Variants in SGMS2 observed in about 807,000 individuals in gnomAD.
SGMS2 encodes sphingomyelin synthase 2.
SGMS2 carries 21 observed loss-of-function variants against 43.8 expected under a neutral mutation model. The observed-to-expected ratio is 0.48, with a 90% CI of 0.34 to 0.69. SGMS2 has a LOEUF of 0.69. Among genes scored for constraint, SGMS2 ranks in the 30% least tolerant of loss-of-function variants. The probability of loss-of-function intolerance (pLI) is 0.01; values close to 1 mark genes in which losing one functional copy is unlikely to be tolerated. For missense variants in SGMS2, 384 were observed against 443.2 expected, an observed-to-expected ratio of 0.87 and a Z score of 1.20; for synonymous variants, 167 against 160.6, an observed-to-expected ratio of 1.04 and a Z score of -0.30.
In SGMS2 at chr4:107,853,665, A is replaced by G. The variant is rs994138044; in HGVS notation, c.-326-4807A>G. Among the ~76,000 whole-genome samples the G allele has an allele frequency of 2.0e-5, 3 of 152,236 alleles. No homozygotes were observed. In the East Asian group the frequency reaches 5.8e-4, roughly 29 times the overall value. On this transcript the variant is annotated intron_variant, in intron 1 of 6. Coordinates refer to ENST00000690982, the MANE Select transcript of SGMS2 (RefSeq NM_001375905.1). ...TTATCTTATAAAATGGGAGTTAGTCAGTGAACAAATATTTATAACCCTCAA... is the reference window on the plus strand; with the variant it reads ...TTATCTTATAAAATGGGAGTTAGTCGGTGAACAAATATTTATAACCCTCAA...
intron 1 of SGMS2, among the ~76,000 whole-genome samples, chr4:107,834,860 G>T (rs1726083489): frequency 6.6e-6 from 1 of 152,080 alleles, no homozygotes; most frequent in Non-Finnish European, 1.5e-5. Context: ...AACATAGCCA[G>T]GCCTCCATCC....
At position 107,895,615 on chromosome 4, in the gene SGMS2, C is replaced by T. The variant is rs17038204; in HGVS notation, c.62C>T (p.Thr21Met). The change falls in exon 3 of 7, where the codon ACG becomes ATG. Residue 21 changes from threonine (T) to methionine (M), a missense_variant. Physicochemically the swap from Thr to Met is moderately conservative, Grantham distance 81. Transcript: ENST00000690982. ...TTGGAAAATCAACCCAGTGATCCTA[C>T]GAACACTTATGCAAGACCCGCTGAA... The part of the protein sequence containing the change: ...EHLENQPSDP[T>M]NTYARPAEPV... 4.8e-4 allele frequency: 773 copies of T among 1,613,910 alleles called. 6 individuals carry two copies. In the African/African-American group the frequency reaches 8.4e-3, roughly 18 times the overall value.
rs1732218632 is a variant in SGMS2 at position 107,912,940 on chromosome 4, G to A, written c.*2387G>A. ...AAGGGTGGGGGAATCAAAATTTCAA[G>A]ATGGAAAAATAAAACAAATAGTAAA... On this transcript the variant is annotated 3_prime_UTR_variant, in exon 7 of 7. Coordinates refer to ENST00000690982, the MANE Select transcript of SGMS2 (RefSeq NM_001375905.1). 1 of 151,982 alleles carries A rather than the reference G, an allele frequency of 6.6e-6. No homozygotes were observed. Among genetic ancestry groups the A allele is most frequent in the African/African-American group, 2.4e-5 (1 of 41,392 alleles). 9.4% of individuals were successfully genotyped at this position (151,982 alleles called of 1,614,324 possible). A position where few individuals can be genotyped will look rare whatever the true frequency, so the allele number is the denominator to read the frequency against.
chr4:107,846,565 A>G (rs1314675379), intron 1 of SGMS2, among the ~76,000 whole-genome samples: 164 of 151,300 alleles, frequency 1.1e-3, no homozygotes, highest in Non-Finnish European at 1.7e-3. Context: ...TAGTGCCGCA[A>G]TCAACATACG....
chr4:107,900,556 T>C (rs1166576040), intron 4 of SGMS2, among the ~76,000 whole-genome samples: 6 of 152,114 alleles, frequency 3.9e-5, no homozygotes, highest in Non-Finnish European at 1.5e-5. Flanking sequence ...TTGACTGAGA[T>C]AGTGTGTGAG....
At chr4:107,837,730 A>T (rs370547519) in intron 1 of SGMS2, among the ~76,000 whole-genome samples, 1 of 152,136 alleles carries the variant, frequency 6.6e-6, no homozygotes, top group Non-Finnish European at 1.5e-5. Context: ...TTATGAGGCT[A>T]TTGGGAGCAT....
At chr4:107,845,512 A>G (rs1305915975) in intron 1 of SGMS2, among the ~76,000 whole-genome samples, 1 of 152,212 alleles carries the variant, frequency 6.6e-6, no homozygotes, top group Non-Finnish European at 1.5e-5. Flanking sequence ...AATGGGACTC[A>G]CAAACCAAAT....
intron 2 of SGMS2, among the ~76,000 whole-genome samples, chr4:107,883,220 A>G (rs1368110320): frequency 1.3e-5 from 2 of 152,188 alleles, no homozygotes; most frequent in African/African-American, 4.8e-5. Context: ...TATCGATCAC[A>G]TGGCCTTTTC....
At chr4:107,909,351 T>A (rs1182526399) in intron 6 of SGMS2, among the ~76,000 whole-genome samples, 2 of 152,068 alleles carry the variant, frequency 1.3e-5, no homozygotes, top group Non-Finnish European at 2.9e-5. Context: ...CCTCAGGTGA[T>A]CCTCCCACCT....
At position 107,910,628 on chromosome 4, in the gene SGMS2, T is replaced by G; in HGVS notation, c.*75T>G. The G allele has an allele frequency of 7.1e-7, 1 of 1,407,930 alleles. No individual in the cohort carries two copies. Among genetic ancestry groups the G allele is most frequent in the Non-Finnish European group, 9.6e-7 (1 of 1,037,638 alleles). The allele number at this position is 1,407,930 out of a possible 1,614,324, so 87.2% of individuals were successfully genotyped here. A position where few individuals can be genotyped will look rare whatever the true frequency, so the allele number is the denominator to read the frequency against. On this transcript the variant is annotated 3_prime_UTR_variant, in exon 7 of 7. Coordinates refer to ENST00000690982, the MANE Select transcript of SGMS2 (RefSeq NM_001375905.1). ...ACCAAAGGTATAGTTTTGTTTTTTATTTTAGGAGAACTGACTGGTAAATGA... is the reference window on the plus strand; with the variant it reads ...ACCAAAGGTATAGTTTTGTTTTTTAGTTTAGGAGAACTGACTGGTAAATGA...
chr4:107,890,588 T>G (rs1730121067), intron 2 of SGMS2, among the ~76,000 whole-genome samples: 2 of 145,766 alleles, frequency 1.4e-5, no homozygotes, highest in African/African-American at 5.2e-5. Context: ...GGCAGGAGAA[T>G]CCCTTGAATC....
Position 107,895,544 on chromosome 4 carries a change from C to G in SGMS2, c.-10C>G. 1 of 1,606,360 alleles carries G rather than the reference C, an allele frequency of 6.2e-7. No homozygotes were observed. The highest frequency in any genetic ancestry group is 8.5e-7 in the Non-Finnish European group (1 of 1,175,686). Reference sequence around the variant, plus strand: ...GACCATCTCCTTTTTGATCTGAAGACTAGGGGACAATGGATATCATAGAGA... The same window carrying G: ...GACCATCTCCTTTTTGATCTGAAGAGTAGGGGACAATGGATATCATAGAGA... On this transcript the variant is annotated 5_prime_UTR_variant, in exon 3 of 7. Coordinates refer to ENST00000690982, the MANE Select transcript of SGMS2 (RefSeq NM_001375905.1).
Position 107,895,786 on chromosome 4 carries a change from A to G in SGMS2, c.233A>G (p.Lys78Arg). Residue 78 changes from lysine to arginine, a missense_variant, in exon 3 of 7, where the codon AAA becomes AGA. Physicochemically the swap from Lys to Arg is conservative, Grantham distance 26. Coordinates refer to ENST00000690982, the MANE Select transcript of SGMS2 (RefSeq NM_001375905.1). ...AACAAATTTCCACTAGAGTGGTGGAAAACGGGCATTGCCTTCATATATGCA... is the reference window on the plus strand; with the variant it reads ...AACAAATTTCCACTAGAGTGGTGGAGAACGGGCATTGCCTTCATATATGCA... ...SRNKFPLEWWKTGIAFIYAVF... is the reference protein window; with the variant it reads ...SRNKFPLEWWRTGIAFIYAVF... 1 of 1,613,984 alleles carries G rather than the reference A, an allele frequency of 6.2e-7. No individual in the cohort carries two copies. Among genetic ancestry groups the G allele is most frequent in the Non-Finnish European group, 8.5e-7 (1 of 1,179,944 alleles).
In SGMS2 at chr4:107,855,731, A is replaced by G. The variant is rs947382235; in HGVS notation, c.-326-2741A>G. Among the ~76,000 whole-genome samples the G allele has an allele frequency of 3.3e-5, 5 of 152,176 alleles. 1 individual carries two copies. The East Asian group carries it at 5.8e-4, about 18-fold the overall frequency. ...TGGTCTAGAGTATAGTTTAATTCCA[A>G]TGTTTTTTACTGATTTTCTGCGTGG... On this transcript the variant is annotated intron_variant, in intron 1 of 6. Transcript: ENST00000690982.
intron 2 of SGMS2, among the ~76,000 whole-genome samples, chr4:107,872,601 T>C (rs1163130281): frequency 1.3e-5 from 2 of 152,020 alleles, no homozygotes; most frequent in Non-Finnish European, 1.5e-5. Context: ...GCCCAGGAGT[T>C]AGAGGCTGCA....
intron 1 of SGMS2, among the ~76,000 whole-genome samples, chr4:107,837,356 G>A (rs1207537583): frequency 2.0e-5 from 3 of 152,318 alleles, no homozygotes; most frequent in East Asian, 3.9e-4. Context: ...GTCAGGAAAG[G>A]TTTGTCAGAA....
At chr4:107,892,547 C>T (rs1034673540) in intron 2 of SGMS2, among the ~76,000 whole-genome samples, 3 of 152,108 alleles carry the variant, frequency 2.0e-5, no homozygotes, top group South Asian at 2.1e-4. Context: ...GACACAGCCT[C>T]GGGAGGTCTT....
At chr4:107,879,046 T>C (rs901432068) in intron 2 of SGMS2, among the ~76,000 whole-genome samples, 1 of 151,848 alleles carries the variant, frequency 6.6e-6, no homozygotes, top group Non-Finnish European at 1.5e-5. Context: ...TTTGTACAGC[T>C]AATATTTGCT....
At chr4:107,910,037 C>T in intron 6 of SGMS2, among the ~76,000 whole-genome samples, 1 of 151,944 alleles carries the variant, frequency 6.6e-6, no homozygotes, top group East Asian at 1.9e-4. Flanking sequence ...TTGCTTGGCC[C>T]CTAGATTTGA....
Sources: allele counts gnomAD v4.1 joint callset (sites outside exome capture counted in the v4.1 genomes callset), GRCh38; gene constraint gnomAD v4.1.1; transcripts MANE v1.5; gene names NCBI Gene and HGNC (gene_info 2026-07-23, HGNC 2026-07-21).